Variants in MAML3 observed in about 807,000 individuals in gnomAD.
MAML3 encodes the protein mastermind like transcriptional coactivator 3.
In MAML3, 27 loss-of-function variants were observed where a neutral mutation model predicts 101.9. The ratio of observed to expected loss-of-function variants is 0.27; its 90% CI spans 0.20 to 0.37. The LOEUF is 0.37. Ranked by LOEUF, MAML3 falls within the 10% of genes least tolerant of loss-of-function variation. The pLI, the probability that MAML3 is intolerant of heterozygous loss-of-function variation, is 1.00. For synonymous variants in MAML3, 501 were observed against 555.9 expected, an observed-to-expected ratio of 0.90 and a Z score of 1.39; for missense variants, 1,316 against 1,444.9, an observed-to-expected ratio of 0.91 and a Z score of 1.45.
chr4:139,927,072 CTT>C (rs61573991), intron 1 of MAML3, among the ~76,000 whole-genome samples: 6 of 134,722 alleles, frequency 4.5e-5, no homozygotes, highest in Admixed American at 7.4e-5. Context: ...TTTCTTTTTT[CTT>C]TTTTTTTTTT....
At position 139,890,601 on chromosome 4, in the gene MAML3, G is replaced by C. The variant is rs1264241445; in HGVS notation, c.835C>G (p.Leu279Val). 1 of 1,613,924 alleles carries C rather than the reference G, an allele frequency of 6.2e-7. No homozygotes were observed. The highest frequency in any genetic ancestry group is 8.5e-7 in the Non-Finnish European group (1 of 1,179,908). ...LQSKDLKQEP[L>V]DDPTCIDTSE... ...GTGTCTATGCAAGTAGGGTCATCGA[G>C]AGGTTCTTGTTTGAGGTCTTTGCTC... Residue 279 changes from leucine to valine, a missense_variant, in exon 2 of 5, where the codon CTC becomes GTC. Coordinates refer to ENST00000509479, the MANE Select transcript of MAML3 (RefSeq NM_018717.5). The surrounding 1 kb of genome is among the most constrained non-coding windows in gnomAD (Gnocchi z 4.1).
intron 1 of MAML3, among the ~76,000 whole-genome samples, chr4:139,908,357 CCTG>C (rs1732857201): frequency 6.6e-6 from 1 of 152,132 alleles, no homozygotes; most frequent in Non-Finnish European, 1.5e-5. Flanking sequence ...TAATCCAATT[CCTG>C]CTAATTTTGC....
At chr4:140,109,200 T>C (rs536381556) in intron 1 of MAML3, among the ~76,000 whole-genome samples, 1 of 152,292 alleles carries the variant, frequency 6.6e-6, no homozygotes, top group South Asian at 2.1e-4. Context: ...GTGATAACTA[T>C]GCTTGACAAA....
chr4:140,006,319 C>T (rs1309026760), intron 1 of MAML3, among the ~76,000 whole-genome samples: 5 of 152,058 alleles, frequency 3.3e-5, no homozygotes, highest in Non-Finnish European at 7.4e-5. Context: ...GGTGCGGTTG[C>T]TCACCCCTGT....
rs1185068799 is a variant in MAML3, at chr4:140,151,555, G to A, written c.468+1305C>T. 2.6e-5 allele frequency among the ~76,000 whole-genome samples: 4 copies of A among 152,274 alleles called. No homozygotes were observed. The South Asian group carries it at 6.2e-4, about 24-fold the overall frequency. On this transcript the variant is annotated intron_variant, in intron 1 of 4. Transcript: ENST00000509479. The stretch of plus-strand genomic sequence containing the variant: ...GTGTGCGATTTCTAAACCGCACGAC[G>A]GGAGGGCCGCCCCTGCCGGGCTCTG...
intron 2 of MAML3, among the ~76,000 whole-genome samples, chr4:139,795,318 G>A (rs962230465): frequency 6.6e-6 from 1 of 152,190 alleles, no homozygotes; most frequent in Non-Finnish European, 1.5e-5. Context: ...ACTTCTGGCT[G>A]TTGATTTTTA....
chr4:140,130,049 T>C (rs531515187), intron 1 of MAML3, among the ~76,000 whole-genome samples: 1 of 151,376 alleles, frequency 6.6e-6, no homozygotes. Flanking sequence ...AACGCACCAA[T>C]AATAAATCTA....
Position 139,890,103 on chromosome 4 carries a change from C to T in MAML3, c.1333G>A (p.Val445Met), listed in dbSNP as rs772447868. The T allele has an allele frequency of 5.6e-6, 9 of 1,613,818 alleles. No homozygotes were observed. The South Asian group carries it at 9.9e-5, about 18-fold the overall frequency. Residue 445 changes from valine to methionine, a missense_variant, in exon 2 of 5, where the codon GTG becomes ATG. Val to Met is a conservative substitution (Grantham distance 21, BLOSUM62 1). Coordinates refer to ENST00000509479, the MANE Select transcript of MAML3 (RefSeq NM_018717.5). This position sits in a 1 kb window ranked among gnomAD's most constrained non-coding sequence, Gnocchi z 4.1. ...CCTGACGCTGAACCGGCCACTGTCACTGCTGCCGGATTCAGGAGATAACCA... is the reference window on the plus strand; with the variant it reads ...CCTGACGCTGAACCGGCCACTGTCATTGCTGCCGGATTCAGGAGATAACCA... ...GNGYLLNPAA[V>M]TVAGSASGPV...
At position 140,082,624 on chromosome 4, in the gene MAML3, C is replaced by T. The variant is rs958202819; in HGVS notation, c.468+70236G>A. On this transcript the variant is annotated intron_variant, in intron 1 of 4. Transcript: ENST00000509479. Reference sequence around the variant, plus strand: ...CAGCTCCCGACCTCACAGGCAAGTCCATCTCTATTGCTGTCAGGAAGTAAA... The same window carrying T: ...CAGCTCCCGACCTCACAGGCAAGTCTATCTCTATTGCTGTCAGGAAGTAAA... 7.6e-4 allele frequency among the ~76,000 whole-genome samples: 115 copies of T among 152,162 alleles called. 1 individual carries two copies. The highest frequency in any genetic ancestry group is 7.3e-3 in the Admixed American group (112 of 15,280).
chr4:139,728,810 C>T (rs544488695), intron 3 of MAML3, among the ~76,000 whole-genome samples: 19 of 152,196 alleles, frequency 1.2e-4, no homozygotes, highest in Non-Finnish European at 2.2e-4. Flanking sequence ...TCCCCAGGGT[C>T]GGGCTGGCCT....
At chr4:139,758,437 C>T (rs1326801006) in intron 2 of MAML3, among the ~76,000 whole-genome samples, 3 of 152,090 alleles carry the variant, frequency 2.0e-5, no homozygotes, top group Non-Finnish European at 4.4e-5. Context: ...TGATTGTTAT[C>T]GATCTGTGTG....
At chr4:140,040,979 T>G (rs1727076745) in intron 1 of MAML3, among the ~76,000 whole-genome samples, 1 of 152,092 alleles carries the variant, frequency 6.6e-6, no homozygotes, top group Non-Finnish European at 1.5e-5. Flanking sequence ...TCTGAAATTG[T>G]CTATGAAACT....
chr4:140,148,127 C>T (rs920295020), intron 1 of MAML3, among the ~76,000 whole-genome samples: 4 of 152,166 alleles, frequency 2.6e-5, no homozygotes, highest in African/African-American at 7.2e-5. Flanking sequence ...TACAGGACTG[C>T]CCATTTTTCT....
At chr4:139,907,462 C>T (rs1388948012) in intron 1 of MAML3, among the ~76,000 whole-genome samples, 1 of 152,200 alleles carries the variant, frequency 6.6e-6, no homozygotes, top group Non-Finnish European at 1.5e-5. Context: ...AACAAGAATT[C>T]ATTACATTCT....
At chr4:140,039,691 C>G (rs1240262848) in intron 1 of MAML3, among the ~76,000 whole-genome samples, 1 of 152,124 alleles carries the variant, frequency 6.6e-6, no homozygotes, top group Non-Finnish European at 1.5e-5. Context: ...AATGCAGGGC[C>G]AGGCATGCAT....
intron 1 of MAML3, among the ~76,000 whole-genome samples, chr4:140,061,846 C>T (rs574534200): frequency 9.2e-5 from 14 of 152,184 alleles, no homozygotes; most frequent in South Asian, 6.2e-4. Flanking sequence ...CCACAGAGCC[C>T]AGTGTTTTGA....
chr4:140,008,133 T>C (rs563560261), intron 1 of MAML3, among the ~76,000 whole-genome samples: 1 of 152,248 alleles, frequency 6.6e-6, no homozygotes, highest in African/African-American at 2.4e-5. Context: ...CCACCTGAGG[T>C]CAGGAATTTG....
At chr4:140,134,577 T>C (rs913908721) in intron 1 of MAML3, 1 of 343,394 alleles carries the variant, frequency 2.9e-6, no homozygotes, top group Non-Finnish European at 5.8e-6. Flanking sequence ...TGTTAAAATA[T>C]AAACTCCGAT....
intron 2 of MAML3, among the ~76,000 whole-genome samples, chr4:139,802,935 A>C (rs189411843): frequency 1.6e-4 from 25 of 152,374 alleles, no homozygotes; most frequent in Admixed American, 4.6e-4. Context: ...AAAATATCTT[A>C]TACCTAATTT....
Sources: allele counts gnomAD v4.1 joint callset (sites outside exome capture counted in the v4.1 genomes callset), GRCh38; gene constraint gnomAD v4.1.1; non-coding constraint Gnocchi (gnomAD v3.1); transcripts MANE v1.5; gene names NCBI Gene and HGNC (gene_info 2026-07-23, HGNC 2026-07-21).